Variants in AGAP1 observed in about 807,000 individuals in gnomAD.
AGAP1 encodes arf-GAP with GTPase, ANK repeat and PH domain-containing protein 1.
Under a neutral mutation model 105.3 loss-of-function variants are expected in AGAP1, and 29 were observed. The observed-to-expected ratio is 0.28, with a 90% CI of 0.21 to 0.38. AGAP1 has a LOEUF of 0.38. AGAP1 is among the 10% of genes least tolerant of loss of function. AGAP1 has a pLI of 1.00. For missense variants in AGAP1, 998 were observed against 1,165.1 expected, an observed-to-expected ratio of 0.86 and a Z score of 2.09; for synonymous variants, 509 against 485.9, an observed-to-expected ratio of 1.05 and a Z score of -0.63.
chr2:236,026,479 C>T (rs111916333), intron 13 of AGAP1, among the ~76,000 whole-genome samples: 1 of 152,072 alleles, frequency 6.6e-6, no homozygotes, highest in South Asian at 2.1e-4. Context: ...CTGTAATCCC[C>T]GCACTTTGGG....
At chr2:236,075,817 T>C (rs2058622413) in intron 16 of AGAP1, among the ~76,000 whole-genome samples, 1 of 152,240 alleles carries the variant, frequency 6.6e-6, no homozygotes. Context: ...CGCCATTGAT[T>C]CTAGCTTTGG....
In AGAP1 at chr2:235,855,779, G is replaced by T. The variant is rs2048661219; in HGVS notation, c.1051-27566G>T. ...TGACAGTGACAAGTGGGTGATTGGG[G>T]ACACGTCCTTGAGGCTCATGCCTTA... On this transcript the variant is annotated intron_variant, in intron 9 of 17. Coordinates refer to ENST00000304032, the MANE Select transcript of AGAP1 (RefSeq NM_001037131.3). The surrounding 1 kb of genome is among the most constrained non-coding windows in gnomAD (Gnocchi z 5.0). Among the ~76,000 whole-genome samples, 1 of 152,144 alleles carries T rather than the reference G, an allele frequency of 6.6e-6. No homozygotes were observed. The highest frequency in any genetic ancestry group is 6.5e-5 in the Admixed American group (1 of 15,276).
At chr2:236,017,473 T>TGG (rs2056746014) in intron 13 of AGAP1, among the ~76,000 whole-genome samples, 1 of 121,080 alleles carries the variant, frequency 8.3e-6, no homozygotes, top group Non-Finnish European at 1.7e-5. Context: ...TCACGTCGTG[T>TGG]TACACTAAAT....
chr2:235,629,001 G>C, intron 1 of AGAP1, among the ~76,000 whole-genome samples: 1 of 152,016 alleles, frequency 6.6e-6, no homozygotes, highest in East Asian at 1.9e-4. Flanking sequence ...TAGTAGAGAC[G>C]GGGTTTCACC....
chr2:235,825,146 C>T lies in AGAP1; in HGVS notation c.1050+17815C>T, dbSNP rs372125316. On this transcript the variant is annotated intron_variant, in intron 9 of 17. Coordinates refer to ENST00000304032, the MANE Select transcript of AGAP1 (RefSeq NM_001037131.3). The stretch of plus-strand genomic sequence containing the variant: ...TGTGGATAGAAGGAGAGACAGCCAT[C>T]GTGGGTCAGAGGGAGCCTCCCAGGC... Among the ~76,000 whole-genome samples, 78 of 152,344 alleles carry T rather than the reference C, an allele frequency of 5.1e-4. 1 individual carries two copies. Among genetic ancestry groups the T allele is most frequent in the African/African-American group, 1.7e-3 (71 of 41,588 alleles).
Position 235,704,962 on chromosome 2 carries a change from C to CTTT in AGAP1, c.164-4213_164-4211dup, listed in dbSNP as rs796721149. Among the ~76,000 whole-genome samples, 23 of 85,996 alleles carry CTTT rather than the reference C, an allele frequency of 2.7e-4. 1 individual carries two copies. The highest frequency in any genetic ancestry group is 1.1e-3 in the South Asian group (2 of 1,878). The allele number at this position is 85,996 out of a possible 152,430, so 56.4% of individuals were successfully genotyped here. A position where few individuals can be genotyped will look rare whatever the true frequency, so the allele number is the denominator to read the frequency against. Reference sequence around the variant, plus strand: ...AACGTCGATTGTAAAATACAAGATGCTTTTTTCTTTTTTTTTTTTTTTTTT... The same window carrying CTTT: ...AACGTCGATTGTAAAATACAAGATGCTTTTTTTTTCTTTTTTTTTTTTTTTTTT... On this transcript the variant is annotated intron_variant, in intron 1 of 17. Transcript: ENST00000304032.
intron 9 of AGAP1, among the ~76,000 whole-genome samples, chr2:235,831,867 A>G (rs1239909699): frequency 1.3e-5 from 2 of 152,240 alleles, no homozygotes; most frequent in Non-Finnish European, 2.9e-5. Flanking sequence ...GAATGTTTTC[A>G]GTTTTGCAGG....
In AGAP1 at chr2:235,553,403, T is replaced by C. The variant is rs1943876065; in HGVS notation, c.163+58554T>C. 6.6e-6 allele frequency among the ~76,000 whole-genome samples: 1 copy of C among 152,190 alleles called. No homozygotes were observed. The highest frequency in any genetic ancestry group is 2.4e-5 in the African/African-American group (1 of 41,446). On this transcript the variant is annotated intron_variant, in intron 1 of 17. Transcript: ENST00000304032. The surrounding 1 kb of genome is among the most constrained non-coding windows in gnomAD (Gnocchi z 4.5). ...TAATAAAACATAGTTGTTTACATAC[T>C]TCTCCTTTAATCCCACAGCTAGTTT...
At chr2:235,568,511 A>G (rs914478159) in intron 1 of AGAP1, among the ~76,000 whole-genome samples, 7 of 152,170 alleles carry the variant, frequency 4.6e-5, no homozygotes, top group Non-Finnish European at 1.0e-4. Context: ...CATGCGTGGG[A>G]TGGACATGGA....
At chr2:235,846,034 T>A (rs577899788) in intron 9 of AGAP1, among the ~76,000 whole-genome samples, 21 of 152,272 alleles carry the variant, frequency 1.4e-4, no homozygotes, top group South Asian at 6.2e-4. Flanking sequence ...TAAAAAAAAA[T>A]TTTAATTTCA....
rs745680224 is a variant in AGAP1 at position 235,752,615 on chromosome 2, C to T, written c.673+2127C>T. On this transcript the variant is annotated intron_variant, in intron 6 of 17. Coordinates refer to ENST00000304032, the MANE Select transcript of AGAP1 (RefSeq NM_001037131.3). This position sits in a 1 kb window ranked among gnomAD's most constrained non-coding sequence, Gnocchi z 4.3. The stretch of plus-strand genomic sequence containing the variant: ...GCCCAGAATATTCACTCTCTGGCCC[C>T]GTGCAGAGAGCTTGCCGGTCCCCGA... 1.8e-4 allele frequency among the ~76,000 whole-genome samples: 28 copies of T among 152,130 alleles called. No individual in the cohort carries two copies. Among genetic ancestry groups the T allele is most frequent in the Admixed American group, 4.6e-4 (7 of 15,276 alleles).
chr2:235,882,335 G>T lies in AGAP1; in HGVS notation c.1051-1010G>T. The T allele has an allele frequency of 9.3e-7, 1 of 1,069,738 alleles. No individual in the cohort carries two copies. Among genetic ancestry groups the T allele is most frequent in the Non-Finnish European group, 1.4e-6 (1 of 727,948 alleles). 66.3% of individuals were successfully genotyped at this position (1,069,738 alleles called of 1,614,324 possible). A position where few individuals can be genotyped will look rare whatever the true frequency, so the allele number is the denominator to read the frequency against. On this transcript the variant is annotated intron_variant, in intron 9 of 17. Coordinates refer to ENST00000304032, the MANE Select transcript of AGAP1 (RefSeq NM_001037131.3). The surrounding 1 kb of genome is among the most constrained non-coding windows in gnomAD (Gnocchi z 4.6). The stretch of plus-strand genomic sequence containing the variant: ...ACATCACAACTGGGGTCTTAAGGAT[G>T]ACGAGGGCAGGAAATCCTCCGGGCT...
chr2:236,093,704 A>AT (rs1447248910), intron 16 of AGAP1, among the ~76,000 whole-genome samples: 1 of 152,160 alleles, frequency 6.6e-6, no homozygotes, highest in Non-Finnish European at 1.5e-5. Flanking sequence ...TATGGACCAC[A>AT]TATCAGTGGC....
rs145700440 is a variant in AGAP1, at chr2:236,078,155, GGT to G, written c.2114+28893_2114+28894del. Among the ~76,000 whole-genome samples the G allele has an allele frequency of 2.7e-3, 393 of 146,230 alleles. 1 individual carries two copies. Among genetic ancestry groups the G allele is most frequent in the Middle Eastern group, 0.01 (3 of 286 alleles). On this transcript the variant is annotated intron_variant, in intron 16 of 17. Transcript: ENST00000304032. The surrounding 1 kb of genome is among the most constrained non-coding windows in gnomAD (Gnocchi z 5.3). Reference sequence around the variant, plus strand: ...AAGTGTGTAGGGCAGGCCAGCCGGGGGTGTGTGTGTGTGTGTGTGTATATGTA... The same window carrying G: ...AAGTGTGTAGGGCAGGCCAGCCGGGGGTGTGTGTGTGTGTGTGTATATGTA...
intron 6 of AGAP1, among the ~76,000 whole-genome samples, chr2:235,761,966 G>A (rs371766135): frequency 6.6e-6 from 1 of 151,970 alleles, no homozygotes; most frequent in Admixed American, 6.6e-5. Flanking sequence ...AAAATTAGCC[G>A]GGTGTAATGG....
In AGAP1 at chr2:236,102,153, C is replaced by G. The variant is rs372842208; in HGVS notation, c.2115-18039C>G. 2.6e-5 allele frequency among the ~76,000 whole-genome samples: 4 copies of G among 152,224 alleles called. No individual in the cohort carries two copies. The South Asian group carries it at 6.2e-4, about 24-fold the overall frequency. ...AAAAATTAGGCCGGGCGCGGTGGCT[C>G]ACGCCTGTAATCCCAGCACTTTGGG... is the stretch of plus-strand genomic sequence containing the variant. On this transcript the variant is annotated intron_variant, in intron 16 of 17. Coordinates refer to ENST00000304032, the MANE Select transcript of AGAP1 (RefSeq NM_001037131.3).
In AGAP1 at chr2:236,073,219, A is replaced by T. The variant is rs1191907431; in HGVS notation, c.2114+23938A>T. 6.6e-6 allele frequency among the ~76,000 whole-genome samples: 1 copy of T among 150,616 alleles called. No individual in the cohort carries two copies. The highest frequency in any genetic ancestry group is 2.0e-4 in the East Asian group (1 of 5,012). On this transcript the variant is annotated intron_variant, in intron 16 of 17. Coordinates refer to ENST00000304032, the MANE Select transcript of AGAP1 (RefSeq NM_001037131.3). The surrounding 1 kb of genome is among the most constrained non-coding windows in gnomAD (Gnocchi z 5.4). Reference sequence around the variant, plus strand: ...TCCATATTGGCCAGGCTGGTCTCGAACTCCTGACCTCGTGAACCACCCGCC... The same window carrying T: ...TCCATATTGGCCAGGCTGGTCTCGATCTCCTGACCTCGTGAACCACCCGCC...
chr2:236,106,691 G>A (rs3768928), intron 16 of AGAP1, among the ~76,000 whole-genome samples: 3,923 of 152,298 alleles, frequency 0.026, 145 homozygotes, highest in East Asian at 0.16. Flanking sequence ...AGGGCTCTCT[G>A]CAGGCCATGG....
chr2:235,727,265 G>A (rs1023039028), intron 3 of AGAP1, among the ~76,000 whole-genome samples: 1 of 152,032 alleles, frequency 6.6e-6, no homozygotes, highest in African/African-American at 2.4e-5. Context: ...GTGGACTCCA[G>A]AAAAGGCCGG....
Sources: gnomAD v4.1 joint callset for allele counts (sites outside exome capture counted in the v4.1 genomes callset) on GRCh38, gnomAD v4.1.1 for gene constraint, Gnocchi (gnomAD v3.1) non-coding constraint, MANE v1.5 for transcripts, NCBI Gene and HGNC (gene_info 2026-07-23, HGNC 2026-07-21) for gene names.